The following ANK2 variants were observed in gnomAD, a reference collection of about 807,000 sequenced individuals.
ANK2 encodes the protein ankyrin-2.
A neutral mutation model predicts 360.5 loss-of-function variants in ANK2; 83 were observed. The ratio of observed to expected loss-of-function variants is 0.23; its 90% CI spans 0.19 to 0.28. The LOEUF (loss-of-function observed/expected upper bound fraction) is 0.28. Ranked by LOEUF, ANK2 falls within the 10% of genes least tolerant of loss-of-function variation. ANK2 has a pLI of 1.00. For synonymous variants in ANK2, 1,740 were observed against 1,759.5 expected (o/e 0.99, Z 0.28); for missense variants, 4,201 against 4,795.7 (o/e 0.88, Z 3.66).
intron 2 of ANK2, among the ~76,000 whole-genome samples, chr4:112,936,433 C>T (rs1252790598): frequency 6.6e-6 from 1 of 151,588 alleles, no homozygotes; most frequent in Admixed American, 6.6e-5. Flanking sequence ...GCAGCCTCCG[C>T]CTCCGGCGTT....
intron 2 of ANK2, among the ~76,000 whole-genome samples, chr4:112,925,771 G>A (rs1405218047): frequency 3.9e-5 from 6 of 152,184 alleles, no homozygotes; most frequent in Admixed American, 3.9e-4. Context: ...AAGTTGTAGA[G>A]CATGAAATGA....
chr4:113,363,038 G>T (rs1041864522), intron 39 of ANK2, among the ~76,000 whole-genome samples: 5 of 152,024 alleles, frequency 3.3e-5, no homozygotes, highest in African/African-American at 1.2e-4. Flanking sequence ...AAGTATTAAT[G>T]ATCTCATTTG....
intron 2 of ANK2, among the ~76,000 whole-genome samples, chr4:113,001,954 A>G (rs2050851479): frequency 6.6e-6 from 1 of 152,228 alleles, no homozygotes; most frequent in East Asian, 1.9e-4. Context: ...ACATTCAATT[A>G]TCTAATGTCT....
chr4:112,856,723 G>A (rs981115382), intron 1 of ANK2, among the ~76,000 whole-genome samples: 3 of 152,184 alleles, frequency 2.0e-5, no homozygotes, highest in African/African-American at 4.8e-5. Context: ...GCGAGACTCC[G>A]TCTCAAAAAA....
intron 1 of ANK2, among the ~76,000 whole-genome samples, chr4:113,096,078 C>G (rs2090919819): frequency 6.6e-6 from 1 of 152,188 alleles, no homozygotes; most frequent in Non-Finnish European, 1.5e-5. Context: ...CCCGATTCTT[C>G]CTATAGGGTT....
At chr4:113,151,276 A>C (rs2097071122) in intron 1 of ANK2, 1 of 543,122 alleles carries the variant, frequency 1.8e-6, no homozygotes, top group Non-Finnish European at 2.8e-6. Context: ...GCTACAAAAG[A>C]ATACCCGAAG....
At chr4:113,369,431 C>T (rs2154065162) in intron 42 of ANK2, 83 bp from the exon 43 acceptor site, 1 of 1,451,546 alleles carries the variant, frequency 6.9e-7, no homozygotes, top group Non-Finnish European at 9.6e-7. Context: ...AAAACCAGCT[C>T]CATCTTGCCT....
intron 23 of ANK2, among the ~76,000 whole-genome samples, chr4:113,306,224 G>A (rs1262781728): frequency 6.6e-6 from 1 of 152,144 alleles, no homozygotes; most frequent in Non-Finnish European, 1.5e-5. Flanking sequence ...ATATCCACTT[G>A]GGGAGATCAG....
At chr4:113,172,221 C>T (rs1463230313) in intron 1 of ANK2, among the ~76,000 whole-genome samples, 1 of 152,126 alleles carries the variant, frequency 6.6e-6, no homozygotes, top group Non-Finnish European at 1.5e-5. Flanking sequence ...TTCTCTCCAG[C>T]TGAGGCACTT....
chr4:112,837,392 A>G (rs560108912), intron 1 of ANK2, among the ~76,000 whole-genome samples: 1 of 152,364 alleles, frequency 6.6e-6, no homozygotes, highest in African/African-American at 2.4e-5. Flanking sequence ...TGGAGCCCTC[A>G]TGGCGAACCT....
At chr4:112,893,275 T>C (rs2080681094) in intron 1 of ANK2, among the ~76,000 whole-genome samples, 2 of 152,110 alleles carry the variant, frequency 1.3e-5, no homozygotes, top group African/African-American at 2.4e-5. Flanking sequence ...CACCTCAGCA[T>C]CCCAAGTAGG....
rs776783690 is a variant in ANK2, at chr4:113,343,151, T to C, written c.4248+9T>C. ...TTCCTCTATTTGTCAAGGTAATATA[T>C]ACATGGAATTTTGTGATGCATTTTT... On this transcript the variant is annotated intron_variant, in intron 34 of 45. Coordinates refer to ENST00000357077, the MANE Select transcript of ANK2 (RefSeq NM_001148.6). The C allele has an allele frequency of 1.2e-5, 20 of 1,612,530 alleles. No homozygotes were observed. The highest frequency in any genetic ancestry group is 3.3e-5 in the South Asian group (3 of 90,888).
At chr4:112,983,899 C>CTAAAAAA (rs1256931023) in intron 2 of ANK2, among the ~76,000 whole-genome samples, 9 of 152,068 alleles carry the variant, frequency 5.9e-5, no homozygotes, top group African/African-American at 1.9e-4. Flanking sequence ...ACTTTGGGGT[C>CTAAAAAA]ATTATTCAGC....
chr4:112,752,047 G>A, the ANK2 span, among the ~76,000 whole-genome samples: 1 of 152,314 alleles, frequency 6.6e-6, no homozygotes. Context: ...GACCACTGAA[G>A]CCAGTGGTTC....
chr4:112,901,723 C>A (rs539171692), intron 1 of ANK2, among the ~76,000 whole-genome samples: 26 of 151,524 alleles, frequency 1.7e-4, no homozygotes, highest in Non-Finnish European at 2.8e-4. Context: ...TAGCCGGGCA[C>A]GGTGGCACGT....
chr4:113,357,492 A>C lies in ANK2; in HGVS notation c.8874A>C (p.Glu2958Asp). The C allele has an allele frequency of 1.2e-6, 2 of 1,614,142 alleles. No individual in the cohort carries two copies. Among genetic ancestry groups the C allele is most frequent in the Non-Finnish European group, 1.7e-6 (2 of 1,179,986 alleles). Residue 2958 changes from glutamate (E) to aspartate (D), a missense_variant, in exon 38 of 46, where the codon GAA (glutamate) becomes GAC (aspartate). Glu to Asp is a conservative substitution (Grantham distance 45). This residue lies in a region of ANK2 where 2,642 missense variants were observed against 2,714.5 expected (regional missense o/e 0.97). Transcript: ENST00000357077. ...ACACCACAAGTTTTCACTCTTCTGAAGTGTATTCTGTTACCATCACATCCC... is the reference window on the plus strand; with the variant it reads ...ACACCACAAGTTTTCACTCTTCTGACGTGTATTCTGTTACCATCACATCCC... ...ANHTTSFHSS[E>D]VYSVTITSPV...
intron 1 of ANK2, among the ~76,000 whole-genome samples, chr4:112,853,137 C>T (rs543690144): frequency 1.3e-5 from 2 of 152,096 alleles, no homozygotes; most frequent in South Asian, 2.1e-4. Flanking sequence ...GGCGTGATCT[C>T]GGCTCACTGC....
At chr4:113,035,421 G>A (rs1379426883) in intron 2 of ANK2, among the ~76,000 whole-genome samples, 1 of 151,778 alleles carries the variant, frequency 6.6e-6, no homozygotes, top group African/African-American at 2.4e-5. Flanking sequence ...AAAGAAAATA[G>A]GTATTTTTTA....
intron 25 of ANK2, among the ~76,000 whole-genome samples, chr4:113,318,023 C>T (rs969687718): frequency 1.3e-5 from 2 of 152,102 alleles, no homozygotes; most frequent in Admixed American, 1.3e-4. Flanking sequence ...AAGCATACTG[C>T]TTATTTCTTC....
Sources: gnomAD v4.1 joint callset for allele counts (sites outside exome capture counted in the v4.1 genomes callset) on GRCh38, gnomAD v4.1.1 for gene constraint, gnomAD v4.1.1 regional missense constraint, MANE v1.5 for transcripts, NCBI Gene and HGNC (gene_info 2026-07-23, HGNC 2026-07-21) for gene names.